Variants in FER observed in about 807,000 individuals in gnomAD.
FER encodes FER tyrosine kinase.
A neutral mutation model predicts 111.0 loss-of-function variants in FER; 63 were observed. That is an observed-to-expected ratio of 0.57 (90% CI 0.46 to 0.70). The LOEUF (loss-of-function observed/expected upper bound fraction) is 0.70. FER is among the 30% of genes least tolerant of loss of function. The probability of loss-of-function intolerance (pLI) is 0.00; values close to 1 mark genes in which losing one functional copy is unlikely to be tolerated. For missense variants in FER, 914 were observed against 954.0 expected (o/e 0.96, Z 0.55); for synonymous variants, 327 against 313.9 (o/e 1.04, Z -0.44).
At chr5:108,833,485 C>T (rs913551745) in intron 4 of FER, among the ~76,000 whole-genome samples, 65 of 118,420 alleles carry the variant, frequency 5.5e-4, no homozygotes, top group African/African-American at 3.3e-3. Context: ...TATACTCCTA[C>T]CCACTTTTTT....
At chr5:108,755,485 T>G (rs1750986190) in intron 1 of FER, among the ~76,000 whole-genome samples, 1 of 152,068 alleles carries the variant, frequency 6.6e-6, no homozygotes, top group Non-Finnish European at 1.5e-5. Flanking sequence ...GTTCAGGGTT[T>G]TTTTGTTGTT....
At chr5:108,823,445 C>A (rs957055645) in intron 3 of FER, among the ~76,000 whole-genome samples, 1 of 152,074 alleles carries the variant, frequency 6.6e-6, no homozygotes, top group African/African-American at 2.4e-5. Flanking sequence ...CAACACTTAT[C>A]TTTTGTCTTT....
intron 16 of FER, among the ~76,000 whole-genome samples, chr5:109,049,259 C>T (rs867064223): frequency 1.3e-5 from 2 of 152,292 alleles, no homozygotes; most frequent in Middle Eastern, 3.4e-3. Context: ...GACTGTGTTC[C>T]GTGCTCAGGG....
intron 19 of FER, 64 bp downstream of exon 19, chr5:109,186,386 T>A: frequency 6.2e-7 from 1 of 1,611,612 alleles, no homozygotes; most frequent in Non-Finnish European, 8.5e-7. Context: ...GTGCTTATAG[T>A]GTGTCTGCTT....
chr5:109,035,004 A>G (rs935737834), intron 13 of FER, among the ~76,000 whole-genome samples: 8 of 147,018 alleles, frequency 5.4e-5, no homozygotes, highest in Non-Finnish European at 7.6e-5. Flanking sequence ...TTTTAAATAT[A>G]TAGTTCAATG....
At chr5:108,966,318 T>TAGCACA (rs1311088828) in intron 13 of FER, among the ~76,000 whole-genome samples, 1 of 152,096 alleles carries the variant, frequency 6.6e-6, no homozygotes, top group East Asian at 1.9e-4. Flanking sequence ...TTGATATTTA[T>TAGCACA]AGCACAAACA....
At chr5:108,962,121 C>T (rs57814250) in intron 13 of FER, among the ~76,000 whole-genome samples, 1 of 151,844 alleles carries the variant, frequency 6.6e-6, no homozygotes, top group Non-Finnish European at 1.5e-5. Flanking sequence ...TCAGAGGTAC[C>T]GAAAACTAGA....
At chr5:109,157,804 A>G (rs982149158) in intron 17 of FER, among the ~76,000 whole-genome samples, 4 of 152,114 alleles carry the variant, frequency 2.6e-5, no homozygotes, top group African/African-American at 9.7e-5. Flanking sequence ...TTCAGCAAAC[A>G]TGTATTGAGA....
At chr5:108,805,612 A>C in intron 3 of FER, among the ~76,000 whole-genome samples, 1 of 152,194 alleles carries the variant, frequency 6.6e-6, no homozygotes. Context: ...GTCCAGGCTG[A>C]GGTAGTCTCA....
chr5:108,929,778 G>C (rs1159450018), intron 10 of FER, among the ~76,000 whole-genome samples: 2 of 151,970 alleles, frequency 1.3e-5, no homozygotes, highest in East Asian at 3.9e-4. Context: ...AAAATATCAG[G>C]GGAAAAACGT....
intron 16 of FER, among the ~76,000 whole-genome samples, chr5:109,094,411 G>A (rs1336585027): frequency 2.0e-5 from 3 of 152,026 alleles, no homozygotes; most frequent in Non-Finnish European, 4.4e-5. Flanking sequence ...ATACTCAAAG[G>A]AAATGCCCAC....
intron 10 of FER, among the ~76,000 whole-genome samples, chr5:108,941,057 A>G (rs1756198381): frequency 6.6e-6 from 1 of 152,110 alleles, no homozygotes; most frequent in Non-Finnish European, 1.5e-5. Context: ...CTCCCACCCG[A>G]GAGGCTGTAA....
intron 13 of FER, among the ~76,000 whole-genome samples, chr5:109,034,530 C>A (rs1053423776): frequency 2.0e-5 from 3 of 151,896 alleles, no homozygotes; most frequent in African/African-American, 7.3e-5. Flanking sequence ...TCACAATGAC[C>A]ATGTGCATTC....
intron 13 of FER, among the ~76,000 whole-genome samples, chr5:109,028,700 A>T (rs1769135191): frequency 6.6e-6 from 1 of 152,216 alleles, no homozygotes; most frequent in South Asian, 2.1e-4. Flanking sequence ...CAAGGCTAGG[A>T]TTTATTGTCG....
chr5:108,934,093 T>G (rs1156340288), intron 10 of FER, among the ~76,000 whole-genome samples: 1 of 152,132 alleles, frequency 6.6e-6, no homozygotes, highest in Non-Finnish European at 1.5e-5. Flanking sequence ...GCGAGAACTT[T>G]CAATACTGTG....
intron 16 of FER, among the ~76,000 whole-genome samples, chr5:109,074,648 G>A (rs370223087): frequency 3.9e-5 from 6 of 152,152 alleles, no homozygotes; most frequent in South Asian, 2.1e-4. Flanking sequence ...TAAAGAGGGC[G>A]GTCAGGAAAC....
intron 10 of FER, among the ~76,000 whole-genome samples, chr5:108,926,228 T>G (rs1269680225): frequency 6.6e-6 from 1 of 151,756 alleles, no homozygotes; most frequent in African/African-American, 2.4e-5. Flanking sequence ...TTCTTTAATA[T>G]TTTTCTATGT....
At chr5:108,780,850 GT>G (rs75740995) in intron 2 of FER, among the ~76,000 whole-genome samples, 35,997 of 145,100 alleles carry the variant, frequency 0.25, 4,547 homozygotes, top group African/African-American at 0.33. Context: ...TTGCTTTGTA[GT>G]TTTTTTTTTT....
intron 17 of FER, among the ~76,000 whole-genome samples, chr5:109,176,369 ATAAG>A (rs1757688543): frequency 6.6e-6 from 1 of 152,184 alleles, no homozygotes; most frequent in Admixed American, 6.6e-5. Context: ...GTTAAGCAAA[ATAAG>A]TAAGGCAGAG....
Sources: allele counts gnomAD v4.1 joint callset (sites outside exome capture counted in the v4.1 genomes callset), GRCh38; gene constraint gnomAD v4.1.1; transcripts MANE v1.5; gene names NCBI Gene and HGNC (gene_info 2026-07-23, HGNC 2026-07-21).